The following SNX1 variants were observed in gnomAD, a reference collection of about 807,000 sequenced individuals.
SNX1 encodes sorting nexin 1.
In SNX1, 36 loss-of-function variants were observed where a neutral mutation model predicts 71.8. The ratio of observed to expected loss-of-function variants is 0.50; its 90% confidence interval spans 0.38 to 0.66. The LOEUF is 0.66. Among genes scored for constraint, SNX1 ranks in the 30% least tolerant of loss-of-function variants. The probability of loss-of-function intolerance (pLI) is 0.00; values close to 1 mark genes in which losing one functional copy is unlikely to be tolerated. For missense variants in SNX1, 612 were observed against 646.7 expected (o/e 0.95, Z 0.58); for synonymous variants, 254 against 240.7 (o/e 1.06, Z -0.51).
intron 1 of SNX1, among the ~76,000 whole-genome samples, chr15:64,104,178 A>G (rs1322872326): frequency 6.6e-6 from 1 of 152,006 alleles, no homozygotes; most frequent in Non-Finnish European, 1.5e-5. Context: ...TAATTTCTTG[A>G]TCATTGTATT....
At chr15:64,117,865 C>G (rs2081147429) in intron 2 of SNX1, among the ~76,000 whole-genome samples, 1 of 152,252 alleles carries the variant, frequency 6.6e-6, no homozygotes, top group East Asian at 1.9e-4. Context: ...TGTATAAATT[C>G]TAGGTAGGAG....
intron 1 of SNX1, 29 bp downstream of exon 1, chr15:64,096,201 C>CG: frequency 3.9e-6 from 6 of 1,541,572 alleles, no homozygotes; most frequent in Non-Finnish European, 4.4e-6. Context: ...GGGTAGCAGG[C>CG]GGGAGGGCAC....
intron 11 of SNX1, among the ~76,000 whole-genome samples, chr15:64,133,308 T>C (rs2081325914): frequency 6.6e-6 from 1 of 152,210 alleles, no homozygotes; most frequent in African/African-American, 2.4e-5. Flanking sequence ...ACCTAATCTT[T>C]TGACATTGAG....
At position 64,134,396 on chromosome 15, in the gene SNX1, CA is replaced by C. The variant is rs373099820; in HGVS notation, c.1222-267del. 3.8e-4 allele frequency: 174 copies of C among 454,658 alleles called. 1 individual carries two copies. The highest frequency in any genetic ancestry group is 3.2e-3 in the African/African-American group (164 of 50,726). 28.2% of individuals were successfully genotyped at this position (454,658 alleles called of 1,614,324 possible). On this transcript the variant is annotated intron_variant, in intron 11 of 14. Transcript: ENST00000559844. The surrounding 1 kb of genome is among the most constrained non-coding windows in gnomAD (Gnocchi z 4.1). ...TGTAAGCCATAGTATTGGTCACTGG[CA>C]TGAGGCCACCTACTGGATCCCTGCC...
intron 2 of SNX1, among the ~76,000 whole-genome samples, chr15:64,114,944 C>T (rs554484072): frequency 1.2e-4 from 19 of 152,192 alleles, no homozygotes; most frequent in Non-Finnish European, 2.5e-4. Flanking sequence ...GATTTAAGAC[C>T]AGCCTGGGCA....
At chr15:64,103,099 C>A (rs1175950201) in intron 1 of SNX1, among the ~76,000 whole-genome samples, 2 of 152,254 alleles carry the variant, frequency 1.3e-5, no homozygotes, top group East Asian at 3.9e-4. Flanking sequence ...TTCATCCATT[C>A]ATGGACACTT....
rs71133411 is a variant in SNX1 at position 64,141,026 on chromosome 15, T to TAGATAGATAGAG, written c.*3408_*3409insAGATAGATAGAG. 1 of 83,730 alleles carries TAGATAGATAGAG rather than the reference T, an allele frequency of 1.2e-5. No individual in the cohort carries two copies. The highest frequency in any genetic ancestry group is 4.9e-5 in the African/African-American group (1 of 20,484). The allele number at this position is 83,730 out of a possible 1,614,324, so 5.2% of individuals were successfully genotyped here. A position where few individuals can be genotyped will look rare whatever the true frequency, so the allele number is the denominator to read the frequency against. ...ATAGATAGATAGATAGATAGATAGA[T>TAGATAGATAGAG]GATAGATATAGATAGATAGATAGAT... On this transcript the variant is annotated 3_prime_UTR_variant, in exon 15 of 15. Coordinates refer to ENST00000559844, the MANE Select transcript of SNX1 (RefSeq NM_003099.5). The surrounding 1 kb of genome is among the most constrained non-coding windows in gnomAD (Gnocchi z 5.1).
intron 1 of SNX1, among the ~76,000 whole-genome samples, chr15:64,097,112 C>G (rs192987656): frequency 8.4e-6 from 1 of 118,534 alleles, no homozygotes; most frequent in Non-Finnish European, 1.7e-5. Context: ...TACCCCTTAT[C>G]TGGATGAAGG....
At chr15:64,113,989 T>C (rs908814875) in intron 2 of SNX1, among the ~76,000 whole-genome samples, 3 of 152,186 alleles carry the variant, frequency 2.0e-5, no homozygotes, top group Non-Finnish European at 2.9e-5. Flanking sequence ...CAGGACATTC[T>C]TGGAGAAGTC....
chr15:64,123,997 A>G (rs1437383159), intron 5 of SNX1, among the ~76,000 whole-genome samples: 2 of 151,916 alleles, frequency 1.3e-5, no homozygotes, highest in Admixed American at 6.5e-5. Flanking sequence ...GTTAGGAAGC[A>G]TAATAAATGA....
chr15:64,130,333 T>C lies in SNX1; in HGVS notation c.1015+12T>C. ...CAACCATAGGAAAGGTAACAAGCTC[T>C]GAAATGCACTTGGAGCTAGGGGAAA... On this transcript the variant is annotated intron_variant, in intron 10 of 14. Coordinates refer to ENST00000559844, the MANE Select transcript of SNX1 (RefSeq NM_003099.5). 1 of 1,599,510 alleles carries C rather than the reference T, an allele frequency of 6.3e-7. No homozygotes were observed. The highest frequency in any genetic ancestry group is 8.6e-7 in the Non-Finnish European group (1 of 1,166,688).
intron 3 of SNX1, 26 bp from the exon 4 acceptor site, chr15:64,118,762 T>C: frequency 6.3e-7 from 1 of 1,584,760 alleles, no homozygotes; most frequent in Non-Finnish European, 8.7e-7. Context: ...ATATCAACTC[T>C]CATGATTTGT....
intron 4 of SNX1, among the ~76,000 whole-genome samples, chr15:64,119,934 G>T (rs560026069): frequency 6.6e-6 from 1 of 152,238 alleles, no homozygotes; most frequent in Non-Finnish European, 1.5e-5. Flanking sequence ...ACCTTATGAG[G>T]TGGGGAAGTC....
chr15:64,102,694 T>G (rs1188322284), intron 1 of SNX1, among the ~76,000 whole-genome samples: 1 of 151,126 alleles, frequency 6.6e-6, no homozygotes, highest in Non-Finnish European at 1.5e-5. Context: ...CATGTTGCTC[T>G]AAATAACAGG....
chr15:64,108,689 A>C (rs2081047571), intron 1 of SNX1, among the ~76,000 whole-genome samples: 1 of 152,162 alleles, frequency 6.6e-6, no homozygotes, highest in Non-Finnish European at 1.5e-5. Flanking sequence ...ATAAGGACAA[A>C]AATAAAATAT....
At chr15:64,100,630 A>T (rs935134251) in intron 1 of SNX1, among the ~76,000 whole-genome samples, 1 of 148,766 alleles carries the variant, frequency 6.7e-6, no homozygotes, top group African/African-American at 2.5e-5. Context: ...AAAAAAAGAG[A>T]CTCAAAAAAA....
rs939836094 is a variant in SNX1, at chr15:64,138,173, C to T, written c.*555C>T. 18 of 1,535,268 alleles carry T rather than the reference C, an allele frequency of 1.2e-5. No individual in the cohort carries two copies. Among genetic ancestry groups the T allele is most frequent in the South Asian group, 2.4e-5 (2 of 83,984 alleles). On this transcript the variant is annotated 3_prime_UTR_variant, in exon 15 of 15. Transcript: ENST00000559844. ...TCTGGAAATGGGGTTTCTTTCTCTC[C>T]GCCTACCTCAGCTACCTGTTCTGAG...
At chr15:64,101,763 C>T (rs1270437441) in intron 1 of SNX1, among the ~76,000 whole-genome samples, 1 of 152,150 alleles carries the variant, frequency 6.6e-6, no homozygotes, top group Non-Finnish European at 1.5e-5. Flanking sequence ...CCTAACCAAC[C>T]TCTGGTAACA....
intron 1 of SNX1, among the ~76,000 whole-genome samples, chr15:64,104,106 AG>A (rs1374345639): frequency 6.6e-6 from 1 of 152,188 alleles, no homozygotes; most frequent in East Asian, 1.9e-4. Context: ...TTTAGTGCTC[AG>A]CTCAAATAGT....
Sources: gnomAD v4.1 joint callset for allele counts (sites outside exome capture counted in the v4.1 genomes callset) on GRCh38, gnomAD v4.1.1 for gene constraint, Gnocchi (gnomAD v3.1) non-coding constraint, MANE v1.5 for transcripts, NCBI Gene and HGNC (gene_info 2026-07-23, HGNC 2026-07-21) for gene names.